Variants in HS3ST6 observed in about 807,000 individuals in gnomAD.
HS3ST6 encodes the protein heparan sulfate glucosamine 3-O-sulfotransferase 6.
A neutral mutation model predicts 11.0 loss-of-function variants in HS3ST6; 13 were observed. The observed-to-expected ratio is 1.18, with a 90% CI of 0.77 to 1.88. The LOEUF is 1.88. HS3ST6 is among the 40% of genes most tolerant of loss of function. The pLI is 0.00. For synonymous variants in HS3ST6, 232 were observed against 230.6 expected, an observed-to-expected ratio of 1.01 and a Z score of -0.06; for missense variants, 541 against 494.4, an observed-to-expected ratio of 1.09 and a Z score of -0.89.
At chr16:1,919,916 C>A (rs1182699216), upstream of HS3ST6, among the ~76,000 whole-genome samples, 2 of 152,188 alleles carry the variant, frequency 1.3e-5, no homozygotes, top group African/African-American at 4.8e-5. Flanking sequence ...ACAGGAAATT[C>A]TTCTTCTGGT....
intron 1 of HS3ST6, among the ~76,000 whole-genome samples, chr16:1,917,031 C>G (rs1450813069): frequency 1.3e-5 from 2 of 152,030 alleles, no homozygotes. Context: ...CTCACGGAGC[C>G]CCTTCCTGCC....
chr16:1,914,766 G>A (rs1657145), intron 1 of HS3ST6, among the ~76,000 whole-genome samples: 56,334 of 152,056 alleles, frequency 0.37, 10,641 homozygotes, highest in South Asian at 0.55. Flanking sequence ...AAGGGCTTTC[G>A]AGGCCCCCTC....
At chr16:1,917,260 C>T (rs1020926973) in intron 1 of HS3ST6, among the ~76,000 whole-genome samples, 2 of 152,122 alleles carry the variant, frequency 1.3e-5, no homozygotes, top group Admixed American at 6.5e-5. Flanking sequence ...CAGCCACCAG[C>T]GCGGGCTGCT....
chr16:1,918,219 C>T lies in HS3ST6; in HGVS notation c.105G>A (p.Val35=). The change falls in exon 1 of 2, where the codon GTG becomes GTA. Residue 35 remains valine (V), a synonymous_variant. Transcript: ENST00000454677. This position sits in a 1 kb window ranked among gnomAD's most constrained non-coding sequence, Gnocchi z 6.0. ...GGCAGTAGGCGCCGAGCACCAGGGC[C>T]ACGAGCAGCATCGGCGCGCGGGACG... The part of the protein sequence containing the change: ...LRASRAPMLL[V]ALVLGAYCLC... 1 of 1,047,612 alleles carries T rather than the reference C, an allele frequency of 9.5e-7. No individual in the cohort carries two copies. Among genetic ancestry groups the T allele is most frequent in the Non-Finnish European group, 1.1e-6 (1 of 872,774 alleles). The allele number at this position is 1,047,612 out of a possible 1,614,324, so 64.9% of individuals were successfully genotyped here. A position where few individuals can be genotyped will look rare whatever the true frequency, so the allele number is the denominator to read the frequency against.
chr16:1,920,201 C>T (rs1406176634), upstream of HS3ST6, among the ~76,000 whole-genome samples: 3 of 118,950 alleles, frequency 2.5e-5, no homozygotes, highest in African/African-American at 6.1e-5. Flanking sequence ...GCAGTCCCCA[C>T]GGTCTCAGGA....
upstream of HS3ST6, among the ~76,000 whole-genome samples, chr16:1,920,400 T>TC (rs2082957615): frequency 5.8e-5 from 3 of 52,084 alleles, no homozygotes; most frequent in African/African-American, 8.1e-5. Flanking sequence ...TCCCCACAGG[T>TC]TCAGCAGTCC....
rs570483368 is a variant in HS3ST6, at chr16:1,915,777, C to T, written c.413+2134G>A. 1.1e-3 allele frequency among the ~76,000 whole-genome samples: 174 copies of T among 152,320 alleles called. 1 individual carries two copies. Among genetic ancestry groups the T allele is most frequent in the Non-Finnish European group, 2.4e-3 (161 of 68,038 alleles). On this transcript the variant is annotated intron_variant, in intron 1 of 1. Coordinates refer to ENST00000454677, the MANE Select transcript of HS3ST6 (RefSeq NM_001009606.4). ...GGGCTACAGTCCCCAAGTGGGAGGC[C>T]CCTCAAGAGCCTGGATGAGCTGACT...
In HS3ST6 at chr16:1,911,548, A is replaced by C. The variant is rs2082885554; in HGVS notation, c.*42T>G. On this transcript the variant is annotated 3_prime_UTR_variant, in exon 2 of 2. Transcript: ENST00000454677. Reference sequence around the variant, plus strand: ...GCACGCAGCCCGCTCTGGCCAGGCGAGCGGGTGTCAATCAAGGTGCTGAGC... The same window carrying C: ...GCACGCAGCCCGCTCTGGCCAGGCGCGCGGGTGTCAATCAAGGTGCTGAGC... 4 of 1,528,734 alleles carry C rather than the reference A, an allele frequency of 2.6e-6. No homozygotes were observed. Among genetic ancestry groups the C allele is most frequent in the Non-Finnish European group, 2.6e-6 (3 of 1,137,712 alleles). The allele number at this position is 1,528,734 out of a possible 1,614,324, so 94.7% of individuals were successfully genotyped here.
At chr16:1,916,193 T>C (rs1162077800) in intron 1 of HS3ST6, among the ~76,000 whole-genome samples, 5 of 152,224 alleles carry the variant, frequency 3.3e-5, no homozygotes, top group Non-Finnish European at 5.9e-5. Flanking sequence ...ACACTTGCAA[T>C]GCGGAAGCTC....
chr16:1,911,713 G>C lies in HS3ST6; in HGVS notation c.906C>G (p.Gly302=), dbSNP rs2150842257. 6.2e-7 allele frequency: 1 copy of C among 1,612,608 alleles called. No homozygotes were observed. Among genetic ancestry groups the C allele is most frequent in the African/African-American group, 1.3e-5 (1 of 75,032 alleles). ...GTGGGTGTGGCCGGCCCTTGGACTT[G>C]CCCAGGCAGCGGGGACGGCTGCCGC... ...AQGGSRPRCL[G]KSKGRPHPRV... is the part of the protein sequence containing the mutation. Residue 302 remains glycine, a synonymous_variant, in exon 2 of 2, where the codon GGC becomes GGG. Transcript: ENST00000454677.
At chr16:1,915,805 C>T (rs370654575) in intron 1 of HS3ST6, among the ~76,000 whole-genome samples, 12 of 152,280 alleles carry the variant, frequency 7.9e-5, no homozygotes, top group East Asian at 7.7e-4. Context: ...AGCTGACTGA[C>T]GGTGGAGAGG....
intron 1 of HS3ST6, among the ~76,000 whole-genome samples, chr16:1,914,905 G>A (rs909442918): frequency 2.6e-5 from 4 of 152,178 alleles, no homozygotes; most frequent in African/African-American, 9.6e-5. Flanking sequence ...AGAGGAGCAG[G>A]ACTGGACCCC....
chr16:1,918,700 G>C (rs535138515), upstream of HS3ST6, among the ~76,000 whole-genome samples: 85 of 151,890 alleles, frequency 5.6e-4, no homozygotes, highest in African/African-American at 1.6e-3. This position sits in a 1 kb window ranked among gnomAD's most constrained non-coding sequence, Gnocchi z 6.0. Flanking sequence ...CGCAGGGCAG[G>C]GACAGGGCGG....
At position 1,918,001 on chromosome 16, in the gene HS3ST6, T is replaced by G; in HGVS notation, c.323A>C (p.Glu108Ala). 1 of 1,549,656 alleles carries G rather than the reference T, an allele frequency of 6.5e-7. No individual in the cohort carries two copies. The highest frequency in any genetic ancestry group is 1.2e-5 in the South Asian group (1 of 83,874). ...VKKGGTRALL[E>A]FLRLHPDVRA... is the part of the protein sequence containing the mutation. ...GACGTCGGGGTGCAGCCGCAGAAACTCCAGCAGGGCGCGCGTGCCGCCCTT... is the reference window on the plus strand; with the variant it reads ...GACGTCGGGGTGCAGCCGCAGAAACGCCAGCAGGGCGCGCGTGCCGCCCTT... The change falls in exon 1 of 2, where the codon GAG becomes GCG. Residue 108 changes from glutamate (E) to alanine (A), a missense_variant. Coordinates refer to ENST00000454677, the MANE Select transcript of HS3ST6 (RefSeq NM_001009606.4). The surrounding 1 kb of genome is among the most constrained non-coding windows in gnomAD (Gnocchi z 6.0).
chr16:1,920,483 C>T (rs1364156196), upstream of HS3ST6, among the ~76,000 whole-genome samples: 1 of 150,024 alleles, frequency 6.7e-6, no homozygotes, highest in African/African-American at 2.5e-5. Context: ...TCAGCAGTCC[C>T]TACTCAGGAC....
Position 1,912,086 on chromosome 16 carries a change from A to G in HS3ST6, c.533T>C (p.Val178Ala). The G allele has an allele frequency of 6.6e-7, 1 of 1,509,886 alleles. No homozygotes were observed. The highest frequency in any genetic ancestry group is 8.8e-7 in the Non-Finnish European group (1 of 1,131,266). The allele number at this position is 1,509,886 out of a possible 1,614,324, so 93.5% of individuals were successfully genotyped here. Residue 178 changes from valine to alanine, a missense_variant, in exon 2 of 2, where the codon GTG becomes GCG. Coordinates refer to ENST00000454677, the MANE Select transcript of HS3ST6 (RefSeq NM_001009606.4). This position sits in a 1 kb window ranked among gnomAD's most constrained non-coding sequence, Gnocchi z 5.6. The stretch of plus-strand genomic sequence containing the variant: ...CCGGGTCACGGGGTTCCGCACCACC[A>G]CGATCAGCTTCGTGTCCGGGGACAT... Reference protein sequence around the residue: ...HAMSPDTKLIVVVRNPVTRAI... With the variant: ...HAMSPDTKLIAVVRNPVTRAI...
In HS3ST6 at chr16:1,911,793, T is replaced by C. The variant is rs2082889428; in HGVS notation, c.826A>G (p.Lys276Glu). The C allele has an allele frequency of 5.6e-6, 9 of 1,613,860 alleles. No individual in the cohort carries two copies. Among genetic ancestry groups the C allele is most frequent in the African/African-American group, 1.3e-5 (1 of 75,034 alleles). ...FLGLKRVVTD[K>E]HFYFNATKGF... Reference sequence around the variant, plus strand: ...TTGGTGGCGTTGAAGTAGAAGTGCTTGTCCGTGACGACCCGTTTCAGGCCC... The same window carrying C: ...TTGGTGGCGTTGAAGTAGAAGTGCTCGTCCGTGACGACCCGTTTCAGGCCC... The change falls in exon 2 of 2, where the codon AAG (lysine) becomes GAG (glutamate). Residue 276 changes from lysine (K) to glutamate (E), a missense_variant. By Grantham distance (56) the Lys-to-Glu change is moderately conservative. Transcript: ENST00000454677.
chr16:1,920,209 GGAGC>G (rs2082954785), upstream of HS3ST6, among the ~76,000 whole-genome samples: 1 of 116,352 alleles, frequency 8.6e-6, no homozygotes, highest in Non-Finnish European at 1.9e-5. Flanking sequence ...CACGGTCTCA[GGAGC>G]CCCCACGGTC....
Position 1,912,191 on chromosome 16 carries a change from CG to C in HS3ST6, c.427del (p.Arg143GlufsTer17). ...GLAWYRSLMP[R>X]TLDGQITMEK... ...CATGGTGATCTGCCCATCCAGGGTT[CG>C]GGGCATCAGACTCCTGCGGGACGGG... On this transcript the variant is annotated frameshift_variant, in exon 2 of 2. Transcript: ENST00000454677. LOFTEE classifies it low-confidence loss of function (END_TRUNC). The surrounding 1 kb of genome is among the most constrained non-coding windows in gnomAD (Gnocchi z 5.6). 7.0e-7 allele frequency: 1 copy of C among 1,434,672 alleles called. No homozygotes were observed. The highest frequency in any genetic ancestry group is 9.1e-7 in the Non-Finnish European group (1 of 1,093,612). 88.9% of individuals were successfully genotyped at this position (1,434,672 alleles called of 1,614,324 possible). A position where few individuals can be genotyped will look rare whatever the true frequency, so the allele number is the denominator to read the frequency against.
Sources: allele counts gnomAD v4.1 joint callset (sites outside exome capture counted in the v4.1 genomes callset), GRCh38; gene constraint gnomAD v4.1.1; non-coding constraint Gnocchi (gnomAD v3.1); transcripts MANE v1.5; gene names NCBI Gene and HGNC (gene_info 2026-07-23, HGNC 2026-07-21).